Variants in NUP107 observed in about 807,000 individuals in gnomAD.
The protein encoded by NUP107 is nucleoporin 107, also known as nuclear pore complex protein Nup107.
A neutral mutation model predicts 141.0 loss-of-function variants in NUP107; 101 were observed. The observed-to-expected ratio is 0.72, with a 90% CI of 0.61 to 0.84. NUP107 has a LOEUF of 0.84. Ranked by LOEUF, NUP107 falls within the 40% of genes least tolerant of loss-of-function variation. The probability of loss-of-function intolerance (pLI) is 0.00; values close to 1 mark genes in which losing one functional copy is unlikely to be tolerated. For synonymous variants in NUP107, 319 were observed against 363.9 expected (o/e 0.88, Z 1.41); for missense variants, 941 against 1,102.7 (o/e 0.85, Z 2.08).
intron 6 of NUP107, among the ~76,000 whole-genome samples, chr12:68,699,053 T>C (rs1184944244): frequency 6.6e-6 from 1 of 152,132 alleles, no homozygotes; most frequent in Non-Finnish European, 1.5e-5. Flanking sequence ...TTGGGTACTC[T>C]GCTTTCTGCC....
intron 5 of NUP107, among the ~76,000 whole-genome samples, chr12:68,693,804 A>G (rs1875926703): frequency 6.6e-6 from 1 of 152,088 alleles, no homozygotes; most frequent in Non-Finnish European, 1.5e-5. Flanking sequence ...CAAGTCTCAT[A>G]TTGTAATTTT....
intron 8 of NUP107, chr12:68,706,771 C>G: frequency 1.3e-6 from 1 of 760,372 alleles, no homozygotes; most frequent in South Asian, 1.3e-5. Context: ...TCAAGCTGGC[C>G]TTGGACATCA....
chr12:68,738,364 C>T (rs577789420), intron 26 of NUP107, among the ~76,000 whole-genome samples: 3 of 149,652 alleles, frequency 2.0e-5, no homozygotes, highest in East Asian at 2.0e-4. Context: ...GCAGGAGAAT[C>T]GATTGAACCC....
chr12:68,719,347 C>T lies in NUP107; in HGVS notation c.1090C>T (p.Arg364Ter), dbSNP rs756715343. 10 of 1,613,862 alleles carry T rather than the reference C, an allele frequency of 6.2e-6. No homozygotes were observed. The highest frequency in any genetic ancestry group is 1.6e-4 in the Middle Eastern group (1 of 6,062). Residue 364 changes from arginine to a stop codon, truncating the protein, a stop_gained, in exon 13 of 28, where the codon CGA becomes TGA. Transcript: ENST00000229179. LOFTEE classifies it high-confidence loss of function. Reference sequence around the variant, plus strand: ...CTCTTTCTTGTTTTCTAAGGCACAACGACTCTGTAAACGCTGTGGTCAAGC... The same window carrying T: ...CTCTTTCTTGTTTTCTAAGGCACAATGACTCTGTAAACGCTGTGGTCAAGC... ...IRAGMTEEAQ[R>*]LCKRCGQAWR...
At chr12:68,699,825 T>C (rs1876240921) in intron 6 of NUP107, among the ~76,000 whole-genome samples, 1 of 152,144 alleles carries the variant, frequency 6.6e-6, no homozygotes, top group African/African-American at 2.4e-5. Context: ...AACAATTGTG[T>C]GTATGTTTCT....
chr12:68,702,404 C>T (rs12831442), intron 7 of NUP107, among the ~76,000 whole-genome samples: 4,602 of 152,026 alleles, frequency 0.03, 92 homozygotes, highest in African/African-American at 0.046. Context: ...AGATTACAAG[C>T]GTGACCCACC....
Position 68,732,623 on chromosome 12 carries a change from C to A in NUP107, c.1999-14C>A. On this transcript the variant is annotated splice_polypyrimidine_tract_variant and intron_variant, in intron 22 of 27. Coordinates refer to ENST00000229179, the MANE Select transcript of NUP107 (RefSeq NM_020401.4). ...CTGATATTCCTTTTTCTTTTTTTCC[C>A]CTTTAATAAATAGGAGGATCGTTTA... The A allele has an allele frequency of 2.0e-6, 3 of 1,512,122 alleles. No individual in the cohort carries two copies. The highest frequency in any genetic ancestry group is 3.6e-4 in the Middle Eastern group (2 of 5,624). 93.7% of individuals were successfully genotyped at this position (1,512,122 alleles called of 1,614,324 possible).
chr12:68,709,329 T>A lies in NUP107; in HGVS notation c.801+20T>A, dbSNP rs757985505. 2.1e-6 allele frequency: 3 copies of A among 1,417,908 alleles called. No homozygotes were observed. The South Asian group carries it at 3.9e-5, about 18-fold the overall frequency. The allele number at this position is 1,417,908 out of a possible 1,614,324, so 87.8% of individuals were successfully genotyped here. The stretch of plus-strand genomic sequence containing the variant: ...AGTCAGGTATGACTAGAATTTAAAA[T>A]TTTTTTTTATGAAACATGGAGAAAA... On this transcript the variant is annotated intron_variant, in intron 9 of 27. Coordinates refer to ENST00000229179, the MANE Select transcript of NUP107 (RefSeq NM_020401.4).
intron 10 of NUP107, among the ~76,000 whole-genome samples, chr12:68,713,304 G>A (rs1385007581): frequency 6.6e-6 from 1 of 151,300 alleles, no homozygotes; most frequent in Non-Finnish European, 1.5e-5. Context: ...GAGTCCGGGA[G>A]GTCGAGGCTG....
Position 68,730,214 on chromosome 12 carries a change from C to CTTTT in NUP107, c.1735-878_1735-875dup, listed in dbSNP as rs756700880. Among the ~76,000 whole-genome samples, 19 of 85,378 alleles carry CTTTT rather than the reference C, an allele frequency of 2.2e-4. 1 individual carries two copies. The highest frequency in any genetic ancestry group is 1.8e-4 in the Admixed American group (1 of 5,516). 56.0% of individuals were successfully genotyped at this position (85,378 alleles called of 152,430 possible). On this transcript the variant is annotated intron_variant, in intron 20 of 27. Transcript: ENST00000229179. ...CTCCTGCCCTCAGGGGTGATACTAC[C>CTTTT]TTTTTTTTTTTTTTTTTTTTTGAGA...
intron 8 of NUP107, among the ~76,000 whole-genome samples, chr12:68,707,834 TG>T (rs1876668085): frequency 6.6e-6 from 1 of 152,186 alleles, no homozygotes; most frequent in East Asian, 1.9e-4. Flanking sequence ...AGGTGGCTCA[TG>T]CCTGCGATCC....
At chr12:68,697,743 G>T (rs1342382500) in intron 6 of NUP107, among the ~76,000 whole-genome samples, 1 of 152,088 alleles carries the variant, frequency 6.6e-6, no homozygotes, top group Non-Finnish European at 1.5e-5. Context: ...TATAAAAAAT[G>T]CTTTGGCCAG....
At chr12:68,726,961 T>C (rs1877593195) in intron 19 of NUP107, among the ~76,000 whole-genome samples, 1 of 152,238 alleles carries the variant, frequency 6.6e-6, no homozygotes, top group Non-Finnish European at 1.5e-5. Flanking sequence ...TTGCTTTTTT[T>C]CTAAAAAAGA....
chr12:68,737,737 T>A (rs1878137928), intron 26 of NUP107, among the ~76,000 whole-genome samples: 1 of 152,226 alleles, frequency 6.6e-6, no homozygotes, highest in South Asian at 2.1e-4. Context: ...AGTTAAATGA[T>A]TAATAACATT....
intron 11 of NUP107, among the ~76,000 whole-genome samples, chr12:68,714,923 C>T (rs1565695052): frequency 1.3e-5 from 2 of 152,210 alleles, no homozygotes; most frequent in Non-Finnish European, 1.5e-5. Flanking sequence ...TTTGTAGTCA[C>T]AGAACAGAAG....
chr12:68,713,752 A>G lies in NUP107; in HGVS notation c.913A>G (p.Lys305Glu). Residue 305 changes from lysine (K) to glutamate (E), a missense_variant, in exon 11 of 28, where the codon AAA becomes GAA. Lys to Glu is a moderately conservative substitution (Grantham distance 56). Transcript: ENST00000229179. ...CAGGGAAAATACTCTGCATACCTTA[A>G]AACAACGGCAGCTGACTTCTTACGT... ...VYWENTLHTL[K>E]QRQLTSYVGS... 1 of 1,607,748 alleles carries G rather than the reference A, an allele frequency of 6.2e-7. No homozygotes were observed. Among genetic ancestry groups the G allele is most frequent in the Middle Eastern group, 1.7e-4 (1 of 6,058 alleles).
chr12:68,735,285 G>A lies in NUP107; in HGVS notation c.2443G>A (p.Glu815Lys). 6.2e-7 allele frequency: 1 copy of A among 1,614,090 alleles called. No homozygotes were observed. The highest frequency in any genetic ancestry group is 8.5e-7 in the Non-Finnish European group (1 of 1,179,972). ...HLDALTADVK[E>K]KMYNVLLFVD... ...GGATGCCCTAACTGCTGATGTGAAG[G>A]AGAAAATGTATAACGTCTTGTTGTT... The change falls in exon 26 of 28, where the codon GAG becomes AAG. Residue 815 changes from glutamate (E) to lysine (K), a missense_variant. Glu to Lys is a moderately conservative substitution (Grantham distance 56). Coordinates refer to ENST00000229179, the MANE Select transcript of NUP107 (RefSeq NM_020401.4).
intron 11 of NUP107, 74 bp downstream of exon 11, chr12:68,713,882 G>A (rs747261259): frequency 4.3e-6 from 5 of 1,171,232 alleles, no homozygotes; most frequent in African/African-American, 1.5e-5. Flanking sequence ...ATTTTTTCTC[G>A]TGGATCTTTG....
intron 18 of NUP107, 29 bp downstream of exon 18, chr12:68,725,825 T>TG: frequency 1.7e-6 from 2 of 1,154,306 alleles, no homozygotes; most frequent in Admixed American, 5.5e-5. Flanking sequence ...TTACTTTGTG[T>TG]TTTTTGTGTG....
Sources: allele counts gnomAD v4.1 joint callset (sites outside exome capture counted in the v4.1 genomes callset), GRCh38; gene constraint gnomAD v4.1.1; transcripts MANE v1.5; gene names NCBI Gene and HGNC (gene_info 2026-07-23, HGNC 2026-07-21).